PTGFRN: variants seen among roughly 807,000 people sequenced by gnomAD.
PTGFRN encodes prostaglandin F2 receptor inhibitor.
PTGFRN carries 35 observed loss-of-function variants against 83.2 expected under a neutral mutation model. The observed-to-expected ratio is 0.42, with a 90% CI of 0.32 to 0.56. The LOEUF (loss-of-function observed/expected upper bound fraction) is 0.56. Among genes scored for constraint, PTGFRN ranks in the 20% least tolerant of loss-of-function variants. The probability of loss-of-function intolerance (pLI) is 0.11; values close to 1 mark genes in which losing one functional copy is unlikely to be tolerated. For synonymous variants in PTGFRN, 519 were observed against 498.6 expected, an observed-to-expected ratio of 1.04 and a Z score of -0.55; for missense variants, 1,051 against 1,179.5, an observed-to-expected ratio of 0.89 and a Z score of 1.60.
rs978691097 is a variant in PTGFRN, at chr1:116,958,793, C to G, written c.1214-2450C>G. Among the ~76,000 whole-genome samples the G allele has an allele frequency of 1.3e-5, 2 of 152,196 alleles. No homozygotes were observed. The highest frequency in any genetic ancestry group is 4.8e-5 in the African/African-American group (2 of 41,452). The stretch of plus-strand genomic sequence containing the variant: ...AACACAGTCTGGCTCCAGACCTCAG[C>G]TCCTCACCACTGTTCTCTGCTGCCT... On this transcript the variant is annotated intron_variant, in intron 4 of 8. Transcript: ENST00000393203. This position sits in a 1 kb window ranked among gnomAD's most constrained non-coding sequence, Gnocchi z 4.9.
intron 1 of PTGFRN, among the ~76,000 whole-genome samples, chr1:116,917,634 GTCTC>G (rs1340065218): frequency 6.6e-6 from 1 of 152,098 alleles, no homozygotes; most frequent in Non-Finnish European, 1.5e-5. Flanking sequence ...CTTGTTCCCT[GTCTC>G]TCTCTTTTTA....
intron 6 of PTGFRN, among the ~76,000 whole-genome samples, chr1:116,968,561 A>G (rs1650905177): frequency 6.6e-6 from 1 of 152,152 alleles, no homozygotes; most frequent in African/African-American, 2.4e-5. Context: ...TATAACTCAC[A>G]TACTATAAAA....
intron 6 of PTGFRN, among the ~76,000 whole-genome samples, chr1:116,969,883 T>C (rs12096164): frequency 0.18 from 26,902 of 152,210 alleles, 2,563 homozygotes; most frequent in Middle Eastern, 0.25. Flanking sequence ...ATTTACTTTT[T>C]GGCTTGTTTA....
intron 1 of PTGFRN, among the ~76,000 whole-genome samples, chr1:116,917,191 G>C (rs534983809): frequency 4.6e-5 from 7 of 152,286 alleles, no homozygotes; most frequent in African/African-American, 7.2e-5. Flanking sequence ...CTTGAGAAGT[G>C]GGTGGGGTGG....
At chr1:116,925,989 G>T (rs1649648632) in intron 1 of PTGFRN, among the ~76,000 whole-genome samples, 1 of 152,222 alleles carries the variant, frequency 6.6e-6, no homozygotes, top group Non-Finnish European at 1.5e-5. Context: ...TCCTTACTGA[G>T]CCTCATCAGG....
intron 3 of PTGFRN, among the ~76,000 whole-genome samples, chr1:116,946,903 A>G (rs945155285): frequency 6.6e-6 from 1 of 152,210 alleles, no homozygotes; most frequent in African/African-American, 2.4e-5. Flanking sequence ...CTGAATAGTA[A>G]TGAGTATACA....
intron 1 of PTGFRN, among the ~76,000 whole-genome samples, chr1:116,917,806 A>G (rs528499411): frequency 6.6e-6 from 1 of 151,998 alleles, no homozygotes; most frequent in South Asian, 2.1e-4. Context: ...TCTTTTTCCT[A>G]GAGGCAGGGT....
intron 3 of PTGFRN, 101 bp downstream of exon 3, chr1:116,945,193 T>C (rs1650166863): frequency 2.8e-6 from 4 of 1,415,708 alleles, no homozygotes; most frequent in Non-Finnish European, 2.8e-6. Flanking sequence ...TGACAAGAAC[T>C]GTTTCTGCTT....
intron 4 of PTGFRN, among the ~76,000 whole-genome samples, chr1:116,957,588 A>G (rs1473160356): frequency 6.6e-6 from 1 of 152,190 alleles, no homozygotes; most frequent in East Asian, 1.9e-4. Context: ...GCTAATTAAC[A>G]TATCCATTAC....
chr1:116,944,883 G>T lies in PTGFRN; in HGVS notation c.623G>T (p.Gly208Val). 6.2e-7 allele frequency: 1 copy of T among 1,609,874 alleles called. No individual in the cohort carries two copies. Among genetic ancestry groups the T allele is most frequent in the Non-Finnish European group, 8.5e-7 (1 of 1,179,128 alleles). The change falls in exon 3 of 9, where the codon GGC becomes GTC. Residue 208 changes from glycine (G) to valine (V), a missense_variant. Gly to Val is a moderately radical substitution (Grantham distance 109). Coordinates refer to ENST00000393203, the MANE Select transcript of PTGFRN (RefSeq NM_020440.4). ...ACCCACGAGGGCAGGTTCCACCCGG[G>T]CCTGGGGTACGAGCAGCGCTACCAC... ...ALTHEGRFHP[G>V]LGYEQRYHSG... is the part of the protein sequence containing the mutation.
chr1:116,962,178 C>T (rs976165221), intron 5 of PTGFRN, among the ~76,000 whole-genome samples: 1 of 152,152 alleles, frequency 6.6e-6, no homozygotes, highest in African/African-American at 2.4e-5. Context: ...CATCATCACA[C>T]CATACCACCT....
intron 3 of PTGFRN, 127 bp from the exon 4 acceptor site, chr1:116,949,065 C>G: frequency 8.5e-7 from 1 of 1,175,984 alleles, no homozygotes; most frequent in Admixed American, 2.6e-5. Flanking sequence ...GCACTTACAA[C>G]TGTACAAAGC....
intron 1 of PTGFRN, among the ~76,000 whole-genome samples, chr1:116,921,409 TTTCTTA>T (rs1649533725): frequency 6.6e-6 from 1 of 152,236 alleles, no homozygotes; most frequent in African/African-American, 2.4e-5. Context: ...ATTGAAACGT[TTTCTTA>T]TTTATTAGAA....
In PTGFRN at chr1:116,987,146, C is replaced by T; in HGVS notation, c.*179C>T. The T allele has an allele frequency of 3.1e-6, 2 of 642,006 alleles. No individual in the cohort carries two copies. The highest frequency in any genetic ancestry group is 3.0e-5 in the Admixed American group (1 of 32,874). The allele number at this position is 642,006 out of a possible 1,614,324, so 39.8% of individuals were successfully genotyped here. On this transcript the variant is annotated 3_prime_UTR_variant, in exon 9 of 9. Coordinates refer to ENST00000393203, the MANE Select transcript of PTGFRN (RefSeq NM_020440.4). ...TTCTGAGCGCGGACATGTTTACCAG[C>T]ACACGGCTCTTCTTCCCACGGCACT...
At chr1:116,973,031 T>C (rs919617895) in intron 6 of PTGFRN, among the ~76,000 whole-genome samples, 17 of 152,198 alleles carry the variant, frequency 1.1e-4, no homozygotes, top group African/African-American at 3.9e-4. Context: ...TCAAGCAATC[T>C]TCCTCCTACC....
At chr1:116,944,608 A>G in intron 2 of PTGFRN, 71 bp from the exon 3 acceptor site, 2 of 1,308,596 alleles carry the variant, frequency 1.5e-6, no homozygotes, top group Non-Finnish European at 2.0e-6. Flanking sequence ...CTGTGGTTGC[A>G]GCGGTGGGCT....
chr1:116,910,987 C>T (rs1000354076), intron 1 of PTGFRN, among the ~76,000 whole-genome samples: 4 of 152,154 alleles, frequency 2.6e-5, no homozygotes, highest in African/African-American at 9.7e-5. Flanking sequence ...CCTCCGGAAA[C>T]CCTGGGTGCC....
chr1:116,985,134 G>A, intron 8 of PTGFRN, 149 bp downstream of exon 8: 2 of 768,222 alleles, frequency 2.6e-6, no homozygotes, highest in Admixed American at 2.8e-5. Context: ...CCTGCACCCA[G>A]AAGGGCACCA....
Position 116,915,735 on chromosome 1 carries a change from C to T in PTGFRN, c.49+5483C>T, listed in dbSNP as rs373396555. ...GCAGTTAAATAAGGTGTGTGCTTGT[C>T]TGTCGATGTGTGTCTGCGTCTCACT... On this transcript the variant is annotated intron_variant, in intron 1 of 8. Coordinates refer to ENST00000393203, the MANE Select transcript of PTGFRN (RefSeq NM_020440.4). Among the ~76,000 whole-genome samples, 8 of 152,310 alleles carry T rather than the reference C, an allele frequency of 5.3e-5. No homozygotes were observed. The South Asian group carries it at 1.5e-3, about 28-fold the overall frequency.
Sources: gnomAD v4.1 joint callset for allele counts (sites outside exome capture counted in the v4.1 genomes callset) on GRCh38, gnomAD v4.1.1 for gene constraint, Gnocchi (gnomAD v3.1) non-coding constraint, MANE v1.5 for transcripts, NCBI Gene and HGNC (gene_info 2026-07-23, HGNC 2026-07-21) for gene names.